The following GPRC5C variants were observed in gnomAD, a reference collection of about 807,000 sequenced individuals.
The protein encoded by GPRC5C is G protein-coupled receptor class C group 5 member C, also known as G protein-coupled receptor family C group 5 member C.
A neutral mutation model predicts 31.4 loss-of-function variants in GPRC5C; 22 were observed. The observed-to-expected ratio is 0.70, with a 90% CI of 0.50 to 1.00. The LOEUF (loss-of-function observed/expected upper bound fraction) is 1.00. GPRC5C is among the 50% of genes least tolerant of loss of function. The pLI is 0.00. For missense variants in GPRC5C, 557 were observed against 597.2 expected (o/e 0.93, Z 0.70); for synonymous variants, 249 against 257.5 (o/e 0.97, Z 0.32).
chr17:74,449,408 T>A, downstream of GPRC5C: 1 of 1,208,716 alleles, frequency 8.3e-7, no homozygotes, highest in Admixed American at 2.3e-5. Context: ...TGATCCTCAT[T>A]CCTCTGTACC....
At position 74,447,063 on chromosome 17, in the gene GPRC5C, G is replaced by T; in HGVS notation, c.*35G>T. On this transcript the variant is annotated 3_prime_UTR_variant, in exon 4 of 4. Transcript: ENST00000392627. ...GGCGAGGAGAGGCGGGCGGATTTGG[G>T]GAGGGCCCTGAGGACCTGGCCCCGG... 6.3e-7 allele frequency: 1 copy of T among 1,591,284 alleles called. No individual in the cohort carries two copies. The highest frequency in any genetic ancestry group is 8.6e-7 in the Non-Finnish European group (1 of 1,164,104).
chr17:74,440,797 A>G lies in GPRC5C; in HGVS notation c.1021A>G (p.Lys341Glu), dbSNP rs916691909. The G allele has an allele frequency of 5.9e-6, 9 of 1,515,734 alleles. No homozygotes were observed. Among genetic ancestry groups the G allele is most frequent in the Non-Finnish European group, 8.0e-6 (9 of 1,125,636 alleles). The allele number at this position is 1,515,734 out of a possible 1,614,324, so 93.9% of individuals were successfully genotyped here. Residue 341 changes from lysine (K) to glutamate (E), a missense_variant, in exon 2 of 4, where the codon AAG (lysine) becomes GAG (glutamate). Coordinates refer to ENST00000392627, the MANE Select transcript of GPRC5C (RefSeq NM_022036.4). This position sits in a 1 kb window ranked among gnomAD's most constrained non-coding sequence, Gnocchi z 4.4. ...GGGTCAGAGCATGTTCGTGGAGAAC[A>G]AGGCCTTTTCCATGGATGAGCCGGT... The part of the protein sequence containing the change: ...QKGQSMFVEN[K>E]AFSMDEPVAA...
rs1022573364 is a variant in GPRC5C at position 74,447,101 on chromosome 17, C to T, written c.*73C>T. 3.3e-5 allele frequency: 51 copies of T among 1,528,350 alleles called. No homozygotes were observed. In the African/African-American group the frequency reaches 5.0e-4, roughly 15 times the overall value. 94.7% of individuals were successfully genotyped at this position (1,528,350 alleles called of 1,614,324 possible). ...GACCTGGCCCCGGGCAAGGGACTCT[C>T]CAGGCTCCTCCTCCCCCTGGCAGGC... On this transcript the variant is annotated 3_prime_UTR_variant, in exon 4 of 4. Coordinates refer to ENST00000392627, the MANE Select transcript of GPRC5C (RefSeq NM_022036.4).
chr17:74,435,913 C>A (rs1170839928), intron 1 of GPRC5C, among the ~76,000 whole-genome samples: 1 of 152,220 alleles, frequency 6.6e-6, no homozygotes, highest in Non-Finnish European at 1.5e-5. Flanking sequence ...CCAACCAGTC[C>A]TTCGATTGTT....
chr17:74,446,895 G>A lies in GPRC5C; in HGVS notation c.1193G>A (p.Ser398Asn), dbSNP rs2055645314. Residue 398 changes from serine to asparagine, a missense_variant, in exon 4 of 4, where the codon AGC (serine) becomes AAC (asparagine). Physicochemically the swap from Ser to Asn is conservative, Grantham distance 46. Transcript: ENST00000392627. ...DIILPRATAN[S>N]QVMGSANSTL... is the part of the protein sequence containing the mutation. Reference sequence around the variant, plus strand: ...ATCCTCCCACGGGCCACCGCCAACAGCCAGGTGATGGGCAGTGCCAACTCG... The same window carrying A: ...ATCCTCCCACGGGCCACCGCCAACAACCAGGTGATGGGCAGTGCCAACTCG... 3 of 1,613,886 alleles carry A rather than the reference G, an allele frequency of 1.9e-6. No individual in the cohort carries two copies. The highest frequency in any genetic ancestry group is 2.7e-5 in the African/African-American group (2 of 75,068).
chr17:74,433,632 G>A (rs533816797), intron 1 of GPRC5C: 23 of 1,258,352 alleles, frequency 1.8e-5, no homozygotes, highest in Non-Finnish European at 2.7e-5. Context: ...TCGGGCCATC[G>A]TCTTTCCCTA....
At position 74,446,750 on chromosome 17, in the gene GPRC5C, A is replaced by G. The variant is rs932174265; in HGVS notation, c.1147-99A>G. ...GGAGCCGAGGGGGGAGTTGGGGGGG[A>G]TCTGGCAGTCCCAGCCCTGCAGGAA... On this transcript the variant is annotated intron_variant, in intron 3 of 3. Transcript: ENST00000392627. 19 of 923,282 alleles carry G rather than the reference A, an allele frequency of 2.1e-5. No homozygotes were observed. In the African/African-American group the frequency reaches 3.0e-4, roughly 14 times the overall value. 57.2% of individuals were successfully genotyped at this position (923,282 alleles called of 1,614,324 possible). A position where few individuals can be genotyped will look rare whatever the true frequency, so the allele number is the denominator to read the frequency against.
At chr17:74,434,022 C>T (rs1318358032) in intron 1 of GPRC5C, among the ~76,000 whole-genome samples, 2 of 152,164 alleles carry the variant, frequency 1.3e-5, no homozygotes, top group Admixed American at 6.5e-5. Context: ...TCTGCGCCCC[C>T]TGGAGAGAGA....
Position 74,432,114 on chromosome 17 carries a change from G to A in GPRC5C, c.-60G>A. 1 of 1,613,352 alleles carries A rather than the reference G, an allele frequency of 6.2e-7. No homozygotes were observed. The highest frequency in any genetic ancestry group is 1.1e-5 in the South Asian group (1 of 91,052). On this transcript the variant is annotated 5_prime_UTR_variant, in exon 1 of 4. Coordinates refer to ENST00000392627, the MANE Select transcript of GPRC5C (RefSeq NM_022036.4). Reference sequence around the variant, plus strand: ...GAAACTCCCATCTCCCTCACCAGCCGGAAAGTACGAGTCGGCTCAGCCTGG... The same window carrying A: ...GAAACTCCCATCTCCCTCACCAGCCAGAAAGTACGAGTCGGCTCAGCCTGG...
At chr17:74,443,713 C>T in intron 2 of GPRC5C, 105 bp from the exon 3 acceptor site, 2 of 930,752 alleles carry the variant, frequency 2.1e-6, no homozygotes, top group Non-Finnish European at 1.8e-6. Context: ...GGCCTGCCCC[C>T]TTTACCTCTT....
intron 2 of GPRC5C, among the ~76,000 whole-genome samples, chr17:74,441,873 C>T (rs933660690): frequency 1.4e-4 from 21 of 151,888 alleles, no homozygotes; most frequent in African/African-American, 5.1e-4. Context: ...TAGCTATTTG[C>T]TGTGTGTGCG....
Position 74,440,379 on chromosome 17 carries a change from CT to C in GPRC5C, c.604del (p.Cys202ValfsTer102), listed in dbSNP as rs1281922572. On this transcript the variant is annotated frameshift_variant, in exon 2 of 4. Coordinates refer to ENST00000392627, the MANE Select transcript of GPRC5C (RefSeq NM_022036.4). LOFTEE classifies it high-confidence loss of function. The surrounding 1 kb of genome is among the most constrained non-coding windows in gnomAD (Gnocchi z 4.4). Reference protein sequence around the residue: ...SSAGWAVASPCAIANMDFVMA... With the variant: ...SSAGWAVASPXAIANMDFVMA... ...GCGCAGGCTGGGCCGTGGCCTCCCC[CT>C]GTGCCATCGCCAACATGGACTTTGT... is the stretch of plus-strand genomic sequence containing the variant. 1.9e-6 allele frequency: 3 copies of C among 1,613,996 alleles called. No individual in the cohort carries two copies. The highest frequency in any genetic ancestry group is 2.5e-6 in the Non-Finnish European group (3 of 1,180,006).
At position 74,447,045 on chromosome 17, in the gene GPRC5C, A is replaced by C. The variant is rs1270445004; in HGVS notation, c.*17A>C. 6.2e-7 allele frequency: 1 copy of C among 1,601,768 alleles called. No homozygotes were observed. Among genetic ancestry groups the C allele is most frequent in the Non-Finnish European group, 8.5e-7 (1 of 1,170,280 alleles). ...TGGGACTGAGTCAGCGGTGGCGAGGAGAGGCGGGCGGATTTGGGGAGGGCC... is the reference window on the plus strand; with the variant it reads ...TGGGACTGAGTCAGCGGTGGCGAGGCGAGGCGGGCGGATTTGGGGAGGGCC... On this transcript the variant is annotated 3_prime_UTR_variant, in exon 4 of 4. Coordinates refer to ENST00000392627, the MANE Select transcript of GPRC5C (RefSeq NM_022036.4).
At position 74,440,730 on chromosome 17, in the gene GPRC5C, C is replaced by T; in HGVS notation, c.954C>T (p.Pro318=). 2 of 1,594,810 alleles carry T rather than the reference C, an allele frequency of 1.3e-6. No homozygotes were observed. The highest frequency in any genetic ancestry group is 1.7e-4 in the Middle Eastern group (1 of 6,018). Residue 318 remains proline, a synonymous_variant, in exon 2 of 4, where the codon CCC becomes CCT. Coordinates refer to ENST00000392627, the MANE Select transcript of GPRC5C (RefSeq NM_022036.4). This position sits in a 1 kb window ranked among gnomAD's most constrained non-coding sequence, Gnocchi z 4.4. ...PEQSYQGDMY[P]TRGVGYETIL... Reference sequence around the variant, plus strand: ...AAAGCTACCAGGGGGACATGTACCCCACCCGGGGCGTGGGCTATGAGACCA... The same window carrying T: ...AAAGCTACCAGGGGGACATGTACCCTACCCGGGGCGTGGGCTATGAGACCA...
chr17:74,451,550 CTA>C (rs2055713446), downstream of GPRC5C: 1 of 152,210 alleles, frequency 6.6e-6, no homozygotes. Context: ...CCAGCCAACA[CTA>C]TGGGAAATCT....
intron 1 of GPRC5C, chr17:74,433,872 C>A (rs959466832): frequency 7.2e-6 from 6 of 837,332 alleles, no homozygotes; most frequent in Non-Finnish European, 1.3e-5. Context: ...GATGCTGGAG[C>A]GAGGAAGGGA....
chr17:74,445,267 GAA>G (rs112891447), intron 3 of GPRC5C: 27 of 144,114 alleles, frequency 1.9e-4, no homozygotes, highest in African/African-American at 4.0e-4. Context: ...AAATAAATAA[GAA>G]AAAAAAAAAA....
Position 74,447,118 on chromosome 17 carries a change from C to T in GPRC5C, c.*90C>T, listed in dbSNP as rs967697598. On this transcript the variant is annotated 3_prime_UTR_variant, in exon 4 of 4. Transcript: ENST00000392627. ...GGGACTCTCCAGGCTCCTCCTCCCC[C>T]TGGCAGGCCCAGCAACATGTGCCCC... The T allele has an allele frequency of 4.0e-6, 6 of 1,509,878 alleles. No homozygotes were observed. The highest frequency in any genetic ancestry group is 2.2e-5 in the Admixed American group (1 of 45,588). 93.5% of individuals were successfully genotyped at this position (1,509,878 alleles called of 1,614,324 possible). A position where few individuals can be genotyped will look rare whatever the true frequency, so the allele number is the denominator to read the frequency against.
At position 74,447,271 on chromosome 17, in the gene GPRC5C, C is replaced by T. The variant is rs2055655885; in HGVS notation, c.*243C>T. 3 of 1,276,662 alleles carry T rather than the reference C, an allele frequency of 2.3e-6. No individual in the cohort carries two copies. The highest frequency in any genetic ancestry group is 9.9e-7 in the Non-Finnish European group (1 of 1,008,664). 79.1% of individuals were successfully genotyped at this position (1,276,662 alleles called of 1,614,324 possible). ...CCTGCCAGGATCACCTCGGCGGTCA[C>T]ACTCCAGCCAAATAGTGTTCTCGGG... On this transcript the variant is annotated 3_prime_UTR_variant, in exon 4 of 4. Transcript: ENST00000392627.
Sources: gnomAD v4.1 joint callset for allele counts (sites outside exome capture counted in the v4.1 genomes callset) on GRCh38, gnomAD v4.1.1 for gene constraint, Gnocchi (gnomAD v3.1) non-coding constraint, MANE v1.5 for transcripts, NCBI Gene and HGNC (gene_info 2026-07-23, HGNC 2026-07-21) for gene names.